PRKG1: variants seen among roughly 807,000 people sequenced by gnomAD.
PRKG1 encodes protein kinase cGMP-dependent 1.
In PRKG1, 35 loss-of-function variants were observed where a neutral mutation model predicts 88.1. That is an observed-to-expected ratio of 0.40 (90% confidence interval 0.30 to 0.53). PRKG1 has a LOEUF of 0.53. Among genes scored for constraint, PRKG1 ranks in the 20% least tolerant of loss-of-function variants. PRKG1 has a pLI of 0.59. For missense variants in PRKG1, 540 were observed against 839.8 expected, an observed-to-expected ratio of 0.64 and a Z score of 4.41; for synonymous variants, 303 against 292.5, an observed-to-expected ratio of 1.04 and a Z score of -0.37.
At chr10:52,087,608 T>C (rs1846948973) in intron 7 of PRKG1, among the ~76,000 whole-genome samples, 1 of 152,212 alleles carries the variant, frequency 6.6e-6, no homozygotes, top group South Asian at 2.1e-4. Context: ...TTACTCACAT[T>C]TTCTTACAGT....
chr10:52,153,880 G>A (rs965006136), intron 8 of PRKG1, among the ~76,000 whole-genome samples: 1 of 152,000 alleles, frequency 6.6e-6, no homozygotes, highest in Non-Finnish European at 1.5e-5. Flanking sequence ...TGAGTAGCTG[G>A]GATTACAGGC....
intron 2 of PRKG1, among the ~76,000 whole-genome samples, chr10:51,383,974 G>T (rs560366285): frequency 6.6e-6 from 1 of 152,024 alleles, no homozygotes; most frequent in East Asian, 1.9e-4. Flanking sequence ...AGCAGTAAAG[G>T]GTAAGAGAGC....
At chr10:51,124,920 T>G (rs764260931) in intron 1 of PRKG1, among the ~76,000 whole-genome samples, 3 of 152,192 alleles carry the variant, frequency 2.0e-5, no homozygotes, top group Admixed American at 6.5e-5. Context: ...CTCCTTTGAG[T>G]TGACATATGA....
intron 7 of PRKG1, among the ~76,000 whole-genome samples, chr10:52,077,897 A>T (rs1024139008): frequency 6.6e-5 from 10 of 152,120 alleles, no homozygotes; most frequent in Non-Finnish European, 1.5e-5. Context: ...CAAGTAATGG[A>T]TAACTCGAAC....
intron 3 of PRKG1, among the ~76,000 whole-genome samples, chr10:51,631,099 C>G (rs182585444): frequency 6.6e-6 from 1 of 152,180 alleles, no homozygotes; most frequent in East Asian, 1.9e-4. Context: ...GAATGTAAAT[C>G]ACCTGTTGTG....
At chr10:52,191,666 A>T (rs1839367545) in intron 9 of PRKG1, among the ~76,000 whole-genome samples, 1 of 152,210 alleles carries the variant, frequency 6.6e-6, no homozygotes, top group African/African-American at 2.4e-5. Flanking sequence ...ATATTAGATT[A>T]TAATAAAAGG....
At chr10:51,928,240 C>A (rs996303850) in intron 5 of PRKG1, among the ~76,000 whole-genome samples, 3 of 152,174 alleles carry the variant, frequency 2.0e-5, no homozygotes, top group Non-Finnish European at 4.4e-5. Flanking sequence ...ATTTGTAATA[C>A]TCCTTTCTAA....
At chr10:51,470,168 T>C (rs1189261617) in intron 3 of PRKG1, among the ~76,000 whole-genome samples, 1 of 151,892 alleles carries the variant, frequency 6.6e-6, no homozygotes, top group Non-Finnish European at 1.5e-5. Context: ...TGCTGTCTTA[T>C]TCTTTACATG....
intron 3 of PRKG1, among the ~76,000 whole-genome samples, chr10:51,721,187 C>T (rs577970310): frequency 1.4e-5 from 2 of 147,518 alleles, no homozygotes; most frequent in African/African-American, 5.1e-5. Context: ...GCACTCCAGC[C>T]TCTGGGTGAC....
chr10:51,273,222 A>G (rs1840026138), intron 2 of PRKG1, among the ~76,000 whole-genome samples: 1 of 151,998 alleles, frequency 6.6e-6, no homozygotes, highest in African/African-American at 2.4e-5. Flanking sequence ...GACCATCAAA[A>G]TCAGAAGGCT....
chr10:51,100,458 T>C (rs528111757), intron 1 of PRKG1, among the ~76,000 whole-genome samples: 12 of 152,338 alleles, frequency 7.9e-5, no homozygotes, highest in Non-Finnish European at 1.2e-4. Flanking sequence ...CCGAATTGCC[T>C]GCATTTTTCA....
At chr10:51,977,328 C>T (rs1377715412) in intron 5 of PRKG1, among the ~76,000 whole-genome samples, 1 of 152,046 alleles carries the variant, frequency 6.6e-6, no homozygotes, top group Non-Finnish European at 1.5e-5. Flanking sequence ...GCAGAGTATT[C>T]CATGGTGTAT....
intron 7 of PRKG1, among the ~76,000 whole-genome samples, chr10:52,082,180 GA>G (rs1846794042): frequency 6.6e-6 from 1 of 151,998 alleles, no homozygotes. Flanking sequence ...ACTCAGTATC[GA>G]AAGAACAGCA....
intron 4 of PRKG1, among the ~76,000 whole-genome samples, chr10:51,809,424 T>G (rs1026729945): frequency 3.9e-5 from 6 of 152,232 alleles, no homozygotes; most frequent in Admixed American, 6.5e-5. Flanking sequence ...TTAAGACAGA[T>G]TCTGAAAAAT....
At chr10:52,007,799 C>T (rs2133163034) in intron 5 of PRKG1, among the ~76,000 whole-genome samples, 1 of 152,282 alleles carries the variant, frequency 6.6e-6, no homozygotes, top group African/African-American at 2.4e-5. Context: ...ACAGAACTCT[C>T]CACCTAAAAG....
chr10:51,469,052 A>G (rs1839980230), intron 3 of PRKG1, among the ~76,000 whole-genome samples: 2 of 151,770 alleles, frequency 1.3e-5, no homozygotes, highest in African/African-American at 2.4e-5. Context: ...AGATGCTGCC[A>G]TGTTTTTACT....
intron 3 of PRKG1, among the ~76,000 whole-genome samples, chr10:51,601,942 A>C (rs75213864): frequency 4.0e-5 from 6 of 151,730 alleles, no homozygotes; most frequent in Non-Finnish European, 7.4e-5. Flanking sequence ...TTCATATTAC[A>C]AAAAATTTTA....
At chr10:52,155,732 G>GCCACAC (rs3220860) in intron 8 of PRKG1, among the ~76,000 whole-genome samples, 17 of 147,894 alleles carry the variant, frequency 1.1e-4, no homozygotes, top group Non-Finnish European at 1.6e-4. Flanking sequence ...ATTGCCATTG[G>GCCACAC]ACACACACAC....
chr10:51,578,620 A>G (rs1837947439), intron 3 of PRKG1, among the ~76,000 whole-genome samples: 1 of 152,138 alleles, frequency 6.6e-6, no homozygotes, highest in South Asian at 2.1e-4. Context: ...TGATGCTTTC[A>G]AATACATATG....
Sources: gnomAD v4.1 joint callset for allele counts (sites outside exome capture counted in the v4.1 genomes callset) on GRCh38, gnomAD v4.1.1 for gene constraint, MANE v1.5 for transcripts, NCBI Gene and HGNC (gene_info 2026-07-23, HGNC 2026-07-21) for gene names.